The following CUL4A variants were observed in gnomAD, a reference collection of about 807,000 sequenced individuals.
The protein encoded by CUL4A is cullin 4A, also known as cullin-4A.
In CUL4A, 16 loss-of-function variants were observed where a neutral mutation model predicts 95.5. The ratio of observed to expected loss-of-function variants is 0.17; its 90% CI spans 0.11 to 0.25. The LOEUF is 0.25. Among genes scored for constraint, CUL4A ranks in the 10% least tolerant of loss-of-function variants. The probability of loss-of-function intolerance (pLI) is 1.00; values close to 1 mark genes in which losing one functional copy is unlikely to be tolerated. For synonymous variants in CUL4A, 380 were observed against 353.1 expected (o/e 1.08, Z -0.85); for missense variants, 610 against 937.0 (o/e 0.65, Z 4.56).
rs1262125254 is a variant in CUL4A, at chr13:113,264,319, T to A, written c.*737T>A. ...TTTGTGTTTCCATTCTAAGATTGAG[T>A]CTGGCAGTCCCTGTTTTTTTGCATT... On this transcript the variant is annotated 3_prime_UTR_variant, in exon 20 of 20. Coordinates refer to ENST00000375440, the MANE Select transcript of CUL4A (RefSeq NM_001008895.4). The A allele has an allele frequency of 6.6e-6, 1 of 152,144 alleles. No individual in the cohort carries two copies. The highest frequency in any genetic ancestry group is 1.5e-5 in the Non-Finnish European group (1 of 68,034). The allele number at this position is 152,144 out of a possible 1,614,324, so 9.4% of individuals were successfully genotyped here. A position where few individuals can be genotyped will look rare whatever the true frequency, so the allele number is the denominator to read the frequency against.
intron 2 of CUL4A, among the ~76,000 whole-genome samples, chr13:113,217,653 A>G (rs1167583827): frequency 6.6e-6 from 1 of 152,202 alleles, no homozygotes; most frequent in African/African-American, 2.4e-5. Flanking sequence ...ATAGCTTTAT[A>G]ACTTTAATTT....
intron 19 of CUL4A, among the ~76,000 whole-genome samples, chr13:113,262,358 A>G (rs1319750005): frequency 2.6e-5 from 4 of 152,176 alleles, no homozygotes; most frequent in Admixed American, 2.6e-4. Flanking sequence ...AATACACGAG[A>G]ATAAAACTAC....
chr13:113,213,592 C>T (rs1458877230), intron 2 of CUL4A, among the ~76,000 whole-genome samples: 1 of 152,210 alleles, frequency 6.6e-6, no homozygotes, highest in East Asian at 1.9e-4. Context: ...TGTCTGATAT[C>T]TGCTGCCTCA....
intron 18 of CUL4A, among the ~76,000 whole-genome samples, chr13:113,257,905 G>A (rs926346660): frequency 6.6e-6 from 1 of 152,050 alleles, no homozygotes; most frequent in African/African-American, 2.4e-5. Context: ...TATCATCCTT[G>A]AACAAGTTAT....
intron 3 of CUL4A, among the ~76,000 whole-genome samples, chr13:113,225,234 A>G (rs1254913522): frequency 6.6e-6 from 1 of 152,072 alleles, no homozygotes; most frequent in Non-Finnish European, 1.5e-5. Flanking sequence ...AGAATACACT[A>G]TTGACAGACT....
At chr13:113,233,811 T>A in intron 6 of CUL4A, 86 bp from the exon 7 acceptor site, 3 of 841,456 alleles carry the variant, frequency 3.6e-6, no homozygotes, top group Non-Finnish European at 6.1e-6. Flanking sequence ...CATGGCAGCC[T>A]GCCCCGTCAG....
chr13:113,208,507 A>T, upstream of CUL4A: 2 of 1,552,064 alleles, frequency 1.3e-6, no homozygotes, highest in Non-Finnish European at 8.7e-7. Context: ...GAGGCGGGAA[A>T]GGAAAAGGCC....
At chr13:113,245,816 C>T (rs2041842856) in intron 14 of CUL4A, 140 bp from the exon 15 acceptor site, 1 of 666,634 alleles carries the variant, frequency 1.5e-6, no homozygotes, top group South Asian at 2.0e-5. Context: ...CATTGGGTTT[C>T]ATGGAATACA....
At chr13:113,262,410 G>A (rs1402897316) in intron 19 of CUL4A, among the ~76,000 whole-genome samples, 2 of 152,194 alleles carry the variant, frequency 1.3e-5, no homozygotes, top group African/African-American at 4.8e-5. Context: ...CCAGCACTTT[G>A]GGAGCTGAGG....
chr13:113,247,005 G>A (rs1379324173), intron 15 of CUL4A, among the ~76,000 whole-genome samples: 3 of 152,190 alleles, frequency 2.0e-5, no homozygotes, highest in Admixed American at 2.0e-4. Flanking sequence ...TACAAGCATG[G>A]CACCTGTGTC....
chr13:113,219,015 A>G lies in CUL4A; in HGVS notation c.335A>G (p.Asp112Gly). The change falls in exon 3 of 20, where the codon GAC becomes GGC. Residue 112 changes from aspartate (D) to glycine (G), a missense_variant. Physicochemically the swap from Asp to Gly is moderately conservative, Grantham distance 94 (BLOSUM62 -1). Coordinates refer to ENST00000375440, the MANE Select transcript of CUL4A (RefSeq NM_001008895.4). Reference protein sequence around the residue: ...LYKQLRQACEDHVQAQILPFR... With the variant: ...LYKQLRQACEGHVQAQILPFR... Reference sequence around the variant, plus strand: ...AAGCAACTGCGTCAGGCCTGTGAAGACCACGTCCAGGCACAGATCCTTCCG... The same window carrying G: ...AAGCAACTGCGTCAGGCCTGTGAAGGCCACGTCCAGGCACAGATCCTTCCG... 1 of 1,613,044 alleles carries G rather than the reference A, an allele frequency of 6.2e-7. No individual in the cohort carries two copies. The highest frequency in any genetic ancestry group is 8.5e-7 in the Non-Finnish European group (1 of 1,179,576).
chr13:113,218,667 G>C (rs2040782849), intron 2 of CUL4A, among the ~76,000 whole-genome samples: 2 of 152,200 alleles, frequency 1.3e-5, no homozygotes, highest in Admixed American at 1.3e-4. Flanking sequence ...GAGTGGTGCA[G>C]GCCAGCTGCC....
chr13:113,250,349 G>T (rs914698731), intron 15 of CUL4A, among the ~76,000 whole-genome samples: 2 of 152,164 alleles, frequency 1.3e-5, no homozygotes, highest in African/African-American at 4.8e-5. Flanking sequence ...CCACTCAGGA[G>T]GTTGAGGTGG....
intron 14 of CUL4A, 74 bp from the exon 15 acceptor site, chr13:113,245,882 C>G (rs145972139): frequency 2.8e-6 from 3 of 1,062,830 alleles, no homozygotes; most frequent in African/African-American, 1.6e-5. Flanking sequence ...GAAAATTACA[C>G]GGTTTATTTT....
At chr13:113,252,781 G>A (rs1317746473) in intron 15 of CUL4A, among the ~76,000 whole-genome samples, 5 of 152,246 alleles carry the variant, frequency 3.3e-5, no homozygotes, top group Non-Finnish European at 5.9e-5. Flanking sequence ...TTTTCTTGAC[G>A]GGCTCCAGTC....
chr13:113,211,127 C>T (rs1043474238), intron 2 of CUL4A, among the ~76,000 whole-genome samples: 16 of 152,314 alleles, frequency 1.1e-4, no homozygotes, highest in African/African-American at 3.1e-4. Flanking sequence ...TTGCAGTCAG[C>T]CCTCTCCCCT....
upstream of CUL4A, chr13:113,209,523 G>GGCGGT: frequency 7.5e-6 from 5 of 670,128 alleles, no homozygotes; most frequent in Non-Finnish European, 9.2e-6. Context: ...GGCGGGGCGG[G>GGCGGT]GCGCGCGAGG....
chr13:113,209,538 C>G (rs113926957), upstream of CUL4A: 3 of 733,420 alleles, frequency 4.1e-6, no homozygotes, highest in East Asian at 3.3e-4. Context: ...GCGAGGAGGA[C>G]GGGGCGGAGG....
At chr13:113,224,506 C>T (rs2041029393) in intron 3 of CUL4A, among the ~76,000 whole-genome samples, 1 of 152,234 alleles carries the variant, frequency 6.6e-6, no homozygotes, top group Non-Finnish European at 1.5e-5. Context: ...CCATGATAGC[C>T]GTGTGGTCAG....
Sources: gnomAD v4.1 joint callset for allele counts (sites outside exome capture counted in the v4.1 genomes callset) on GRCh38, gnomAD v4.1.1 for gene constraint, MANE v1.5 for transcripts, NCBI Gene and HGNC (gene_info 2026-07-23, HGNC 2026-07-21) for gene names.